PHAF1: variants seen among roughly 807,000 people sequenced by gnomAD.
The protein encoded by PHAF1 is phagophore assembly factor 1, also known as phagosome assembly factor 1.
PHAF1 carries 23 observed loss-of-function variants against 63.1 expected under a neutral mutation model. The ratio of observed to expected loss-of-function variants is 0.36; its 90% CI spans 0.26 to 0.52. The LOEUF (loss-of-function observed/expected upper bound fraction) is 0.52, where lower values mean the gene tolerates loss of function less well. Ranked by LOEUF, PHAF1 falls within the 20% of genes least tolerant of loss-of-function variation. The pLI, the probability that PHAF1 is intolerant of heterozygous loss-of-function variation, is 0.93. For missense variants in PHAF1, 427 were observed against 517.2 expected (o/e 0.83, Z 1.69); for synonymous variants, 167 against 185.0 (o/e 0.90, Z 0.79).
At chr16:67,135,365 C>G (rs1963569138) in intron 8 of PHAF1, 2 of 152,238 alleles carry the variant, frequency 1.3e-5, no homozygotes. Context: ...TCAGGCTGGT[C>G]TGGAACTCCT....
intron 2 of PHAF1, among the ~76,000 whole-genome samples, chr16:67,121,893 A>T (rs1431246259): frequency 6.6e-6 from 1 of 151,434 alleles, no homozygotes. Context: ...TTAACTTTTA[A>T]GAAAATTTAT....
chr16:67,143,795 G>C (rs1379422856), intron 10 of PHAF1, among the ~76,000 whole-genome samples: 2 of 151,802 alleles, frequency 1.3e-5, no homozygotes. Context: ...TGACAGAAAA[G>C]ATAAGGTATG....
At chr16:67,134,671 A>G (rs1446693015) in intron 8 of PHAF1, 4 of 670,672 alleles carry the variant, frequency 6.0e-6, no homozygotes, top group Admixed American at 4.1e-5. Context: ...TGGCAGATTC[A>G]GTATCTGGAT....
intron 1 of PHAF1, among the ~76,000 whole-genome samples, chr16:67,117,707 C>T (rs573724058): frequency 2.0e-5 from 3 of 149,364 alleles, no homozygotes; most frequent in Admixed American, 1.3e-4. Flanking sequence ...TTGCAGTGAG[C>T]GGAAATCGCA....
At chr16:67,137,565 C>T (rs1402446520) in intron 8 of PHAF1, among the ~76,000 whole-genome samples, 5 of 152,092 alleles carry the variant, frequency 3.3e-5, no homozygotes, top group Admixed American at 6.6e-5. Context: ...GTGATCCGCC[C>T]GCCTCAACCT....
chr16:67,136,291 C>T (rs570659871), intron 8 of PHAF1: 14 of 150,552 alleles, frequency 9.3e-5, no homozygotes, highest in African/African-American at 3.2e-4. Context: ...GCAACAAGAG[C>T]GAAACTCCTT....
In PHAF1 at chr16:67,147,373, A is replaced by C; in HGVS notation, c.*242A>C. 1 of 516,398 alleles carries C rather than the reference A, an allele frequency of 1.9e-6. No homozygotes were observed. Among genetic ancestry groups the C allele is most frequent in the South Asian group, 2.9e-5 (1 of 34,486 alleles). 32.0% of individuals were successfully genotyped at this position (516,398 alleles called of 1,614,324 possible). On this transcript the variant is annotated 3_prime_UTR_variant, in exon 16 of 16. Coordinates refer to ENST00000219139, the MANE Select transcript of PHAF1 (RefSeq NM_025187.5). ...ACACAGACTGCAAAGAGAAGCACAA[A>C]GTTTGAGCCTTGATTCCTGGACCCA... is the stretch of plus-strand genomic sequence containing the variant.
In PHAF1 at chr16:67,148,412, C is replaced by T. The variant is rs1472328469; in HGVS notation, c.*1281C>T. ...GCATATCCCCACTGTCAGGGGCAGC[C>T]AGGACTGTTCCCATCCTCCTGGAAT... On this transcript the variant is annotated 3_prime_UTR_variant, in exon 16 of 16. Transcript: ENST00000219139. 6.6e-6 allele frequency: 1 copy of T among 152,650 alleles called. No individual in the cohort carries two copies. The highest frequency in any genetic ancestry group is 6.5e-5 in the Admixed American group (1 of 15,282). The allele number at this position is 152,650 out of a possible 1,614,324, so 9.5% of individuals were successfully genotyped here.
chr16:67,145,550 C>G lies in PHAF1; in HGVS notation c.1051-20C>G. 1 of 1,614,028 alleles carries G rather than the reference C, an allele frequency of 6.2e-7. No homozygotes were observed. Among genetic ancestry groups the G allele is most frequent in the Non-Finnish European group, 8.5e-7 (1 of 1,179,938 alleles). ...GTTCATGTCCCTACTAACCCCTGCTCCCCTCTATCCCTCTTGCAGTGGGAC... is the reference window on the plus strand; with the variant it reads ...GTTCATGTCCCTACTAACCCCTGCTGCCCTCTATCCCTCTTGCAGTGGGAC... On this transcript the variant is annotated intron_variant, in intron 13 of 15. Transcript: ENST00000219139.
intron 10 of PHAF1, among the ~76,000 whole-genome samples, chr16:67,142,706 G>A (rs1044559739): frequency 6.6e-6 from 1 of 152,134 alleles, no homozygotes; most frequent in Non-Finnish European, 1.5e-5. Flanking sequence ...CCCTGAGAGT[G>A]CAGGGATGCC....
intron 14 of PHAF1, 34 bp from the exon 15 acceptor site, chr16:67,146,244 T>C: frequency 6.3e-7 from 1 of 1,593,112 alleles, no homozygotes; most frequent in Non-Finnish European, 8.6e-7. Context: ...GTGGCCTCTG[T>C]CTGCCTCTCT....
At chr16:67,132,276 T>A (rs1963433099) in intron 4 of PHAF1, 170 bp from the exon 5 acceptor site, 1 of 617,380 alleles carries the variant, frequency 1.6e-6, no homozygotes, top group Admixed American at 3.0e-5. Context: ...GACCTTCTCC[T>A]GACCTCATTA....
chr16:67,144,541 G>A (rs1963921331), intron 11 of PHAF1, among the ~76,000 whole-genome samples, 165 bp downstream of exon 11: 1 of 152,202 alleles, frequency 6.6e-6, no homozygotes, highest in African/African-American at 2.4e-5. Flanking sequence ...CTGGCACAGG[G>A]TCCAATGCCT....
rs764655660 is a variant in PHAF1, at chr16:67,134,447, G to A, written c.641G>A (p.Arg214Gln). 1.5e-5 allele frequency: 25 copies of A among 1,613,140 alleles called. No individual in the cohort carries two copies. Among genetic ancestry groups the A allele is most frequent in the Middle Eastern group, 1.6e-4 (1 of 6,080 alleles). The change falls in exon 8 of 16, where the codon CGA (arginine) becomes CAA (glutamine). Residue 214 changes from arginine (R) to glutamine (Q), a missense_variant. By Grantham distance (43) the Arg-to-Gln change is conservative. Coordinates refer to ENST00000219139, the MANE Select transcript of PHAF1 (RefSeq NM_025187.5). ...LRDGTGPAGL[R>Q]LRLLAAGCGP... ...GATGGAACTGGACCTGCAGGTTTAC[G>A]ACTTCGCCTACTTGCTGCAGGTCAG...
In PHAF1 at chr16:67,148,281, C is replaced by T. The variant is rs1327940688; in HGVS notation, c.*1150C>T. The T allele has an allele frequency of 6.6e-6, 1 of 152,634 alleles. No homozygotes were observed. Among genetic ancestry groups the T allele is most frequent in the East Asian group, 1.9e-4 (1 of 5,196 alleles). 9.5% of individuals were successfully genotyped at this position (152,634 alleles called of 1,614,324 possible). ...GAATGTGCAGGGGACCTGTCTCAGG[C>T]TCCTATATGGTTCCTGGGCCTTATA... On this transcript the variant is annotated 3_prime_UTR_variant, in exon 16 of 16. Transcript: ENST00000219139.
At chr16:67,137,493 A>G (rs1319725840) in intron 8 of PHAF1, among the ~76,000 whole-genome samples, 2 of 151,856 alleles carry the variant, frequency 1.3e-5, no homozygotes, top group Admixed American at 1.3e-4. Context: ...TAATTTCTGT[A>G]TTTTTAGTAG....
chr16:67,145,743 GC>G, intron 14 of PHAF1, 115 bp downstream of exon 14: 1 of 1,105,798 alleles, frequency 9.0e-7, no homozygotes, highest in Non-Finnish European at 1.3e-6. Flanking sequence ...TTCTGATATT[GC>G]CACAAGCATA....
chr16:67,144,031 GA>G, intron 10 of PHAF1, among the ~76,000 whole-genome samples: 1 of 152,292 alleles, frequency 6.6e-6, no homozygotes, highest in South Asian at 2.1e-4. Flanking sequence ...GAACCCAGGA[GA>G]CAGAGGTTAC....
chr16:67,140,197 T>C, intron 9 of PHAF1, 80 bp downstream of exon 9: 1 of 1,496,904 alleles, frequency 6.7e-7, no homozygotes, highest in Non-Finnish European at 9.1e-7. Flanking sequence ...TTTGCTATTT[T>C]CCCATAGAAC....
Sources: allele counts gnomAD v4.1 joint callset (sites outside exome capture counted in the v4.1 genomes callset), GRCh38; gene constraint gnomAD v4.1.1; transcripts MANE v1.5; gene names NCBI Gene and HGNC (gene_info 2026-07-23, HGNC 2026-07-21).